The following CHD1 variants were observed in gnomAD, a reference collection of about 807,000 sequenced individuals.
CHD1 encodes ATP-dependent chromatin remodeler CHD1.
In CHD1, 36 loss-of-function variants were observed where a neutral mutation model predicts 224.2. That is an observed-to-expected ratio of 0.16 (90% confidence interval 0.12 to 0.21). The LOEUF (loss-of-function observed/expected upper bound fraction) is 0.21, where lower values mean the gene tolerates loss of function less well. CHD1 is among the 10% of genes least tolerant of loss of function. CHD1 has a pLI of 1.00. For missense variants in CHD1, 1,378 were observed against 1,994.8 expected (o/e 0.69, Z 5.89); for synonymous variants, 668 against 658.3 (o/e 1.01, Z -0.23).
chr5:98,890,528 T>C (rs995367187), intron 15 of CHD1, among the ~76,000 whole-genome samples: 4 of 152,206 alleles, frequency 2.6e-5, no homozygotes, highest in Non-Finnish European at 5.9e-5. Flanking sequence ...AAAAAGTACC[T>C]TGAAGAGTTT....
chr5:98,881,252 C>CTTTT (rs11295695), intron 21 of CHD1, 27 bp downstream of exon 21: 82 of 675,198 alleles, frequency 1.2e-4, no homozygotes, highest in South Asian at 5.4e-4. Flanking sequence ...TGAGGCAGGC[C>CTTTT]TTTTTTTTTT....
intron 30 of CHD1, 42 bp from the exon 31 acceptor site, chr5:98,868,677 A>G: frequency 5.3e-6 from 8 of 1,506,156 alleles, no homozygotes; most frequent in Non-Finnish European, 7.1e-6. Context: ...AAACCCCAAT[A>G]GCAACAAAGG....
intron 2 of CHD1, among the ~76,000 whole-genome samples, chr5:98,915,180 T>G (rs1752660480): frequency 6.6e-6 from 1 of 152,202 alleles, no homozygotes; most frequent in South Asian, 2.1e-4. Flanking sequence ...TATAAAAGGT[T>G]TCAGAAAACC....
intron 15 of CHD1, among the ~76,000 whole-genome samples, chr5:98,890,086 C>G (rs1750915241): frequency 6.6e-6 from 1 of 152,118 alleles, no homozygotes; most frequent in African/African-American, 2.4e-5. Flanking sequence ...TGAAAACTAC[C>G]CACTGCGTAC....
rs374214718 is a variant in CHD1, at chr5:98,856,498, C to T, written c.5015G>A (p.Ser1672Asn). ...ATCTAGTGGTGACCTAGGGCCACTG[C>T]TGGAAGCTCTGTGGTCCATTTGCCA... Reference protein sequence around the residue: ...SDWQMDHRASSSGPRSPLDQR... With the variant: ...SDWQMDHRASNSGPRSPLDQR... The change falls in exon 36 of 36, where the codon AGC becomes AAC. Residue 1672 changes from serine (S) to asparagine (N), a missense_variant. Coordinates refer to ENST00000614616, the MANE Select transcript of CHD1 (RefSeq NM_001270.4). The T allele has an allele frequency of 1.9e-6, 3 of 1,613,732 alleles. No individual in the cohort carries two copies. In the Admixed American group the frequency reaches 5.0e-5, roughly 27 times the overall value.
At chr5:98,897,425 A>G in intron 10 of CHD1, 105 bp from the exon 11 acceptor site, 1 of 783,738 alleles carries the variant, frequency 1.3e-6, no homozygotes, top group Non-Finnish European at 2.0e-6. Flanking sequence ...TTCATCTCTA[A>G]TCATCAAGCT....
intron 32 of CHD1, among the ~76,000 whole-genome samples, chr5:98,861,265 AT>A (rs1748447059): frequency 6.6e-6 from 1 of 152,148 alleles, no homozygotes; most frequent in African/African-American, 2.4e-5. Flanking sequence ...ATCTGTTCAC[AT>A]TTTCTACAAT....
intron 2 of CHD1, among the ~76,000 whole-genome samples, chr5:98,911,146 A>AAAAAAAAAATATATATAT (rs1491111295): frequency 7.7e-5 from 3 of 39,122 alleles, no homozygotes; most frequent in African/African-American, 3.6e-4. Flanking sequence ...AAAAAAAAAA[A>AAAAAAAAAATATATATAT]ATATATATAT....
chr5:98,865,688 G>A (rs1748809990), intron 31 of CHD1, among the ~76,000 whole-genome samples: 1 of 152,074 alleles, frequency 6.6e-6, no homozygotes, highest in Admixed American at 6.5e-5. Context: ...AGAGAGTGAC[G>A]ACCTAGAAAA....
chr5:98,865,758 A>C (rs983220290), intron 31 of CHD1, among the ~76,000 whole-genome samples: 1 of 152,208 alleles, frequency 6.6e-6, no homozygotes, highest in Admixed American at 6.5e-5. Flanking sequence ...TTCCTTACTT[A>C]GAGGTAAAAT....
intron 25 of CHD1, 112 bp downstream of exon 25, chr5:98,874,960 C>A: frequency 3.2e-6 from 2 of 627,820 alleles, no homozygotes; most frequent in African/African-American, 1.9e-5. Flanking sequence ...TTTGTAAATG[C>A]CGATTAAAAG....
Position 98,926,323 on chromosome 5 carries a change from T to G in CHD1, c.53+11A>C. The G allele has an allele frequency of 6.7e-7, 1 of 1,486,596 alleles. No homozygotes were observed. The highest frequency in any genetic ancestry group is 9.1e-7 in the Non-Finnish European group (1 of 1,099,548). The allele number at this position is 1,486,596 out of a possible 1,614,324, so 92.1% of individuals were successfully genotyped here. A position where few individuals can be genotyped will look rare whatever the true frequency, so the allele number is the denominator to read the frequency against. ...TCATAGTAAACAATTGATAACAAAG[T>G]GCTTACTTACCTTGATTCTCCACTA... On this transcript the variant is annotated intron_variant, in intron 2 of 35. Coordinates refer to ENST00000614616, the MANE Select transcript of CHD1 (RefSeq NM_001270.4).
chr5:98,923,784 G>A (rs994071965), intron 2 of CHD1, among the ~76,000 whole-genome samples: 9 of 152,190 alleles, frequency 5.9e-5, no homozygotes, highest in Middle Eastern at 3.4e-3. Flanking sequence ...AGATATGGCA[G>A]AAAAATATAT....
intron 16 of CHD1, 151 bp from the exon 17 acceptor site, chr5:98,888,391 C>G: frequency 3.2e-6 from 2 of 623,004 alleles, no homozygotes; most frequent in Non-Finnish European, 5.3e-6. Context: ...TTTCTAAGAC[C>G]TTTACCATTT....
At chr5:98,910,272 A>T (rs536940283) in intron 2 of CHD1, among the ~76,000 whole-genome samples, 2 of 152,154 alleles carry the variant, frequency 1.3e-5, no homozygotes, top group African/African-American at 2.4e-5. Context: ...TTTCAATTTT[A>T]ATAGTTTCAA....
chr5:98,870,415 G>A (rs1025822587), intron 29 of CHD1, among the ~76,000 whole-genome samples: 8 of 151,334 alleles, frequency 5.3e-5, no homozygotes, highest in South Asian at 2.1e-4. Flanking sequence ...AAAGTACTCC[G>A]CACGCTAAAC....
chr5:98,887,605 T>TTTG (rs1300495550), intron 17 of CHD1, among the ~76,000 whole-genome samples: 5 of 152,162 alleles, frequency 3.3e-5, no homozygotes, highest in African/African-American at 1.2e-4. Flanking sequence ...TTTGAATAGA[T>TTTG]GGAAGGGAAT....
At position 98,926,381 on chromosome 5, in the gene CHD1, A is replaced by T. The variant is rs747445027; in HGVS notation, c.6T>A (p.Asn2Lys). 3.3e-6 allele frequency: 5 copies of T among 1,494,424 alleles called. No homozygotes were observed. In the East Asian group the frequency reaches 1.2e-4, roughly 37 times the overall value. 92.6% of individuals were successfully genotyped at this position (1,494,424 alleles called of 1,614,324 possible). M[N>K]GHSDEESVRN... is the part of the protein sequence containing the mutation. ...TAACACTTTCTTCATCACTGTGTCC[A>T]TTCATTGTAAATTATTATCAAGAAG... The change falls in exon 2 of 36, where the codon AAT becomes AAA. Residue 2 changes from asparagine (N) to lysine (K), a missense_variant. Asn to Lys is a moderately conservative substitution (Grantham distance 94). Around this residue, in one of 16 missense-constraint regions of CHD1, gnomAD observed 306 missense variants for 298.1 expected, o/e 1.03. Transcript: ENST00000614616.
At chr5:98,880,279 T>C (rs537781808) in intron 22 of CHD1, among the ~76,000 whole-genome samples, 3 of 152,350 alleles carry the variant, frequency 2.0e-5, no homozygotes, top group East Asian at 3.9e-4. Context: ...GGCTCACGCC[T>C]GTGATTCCAG....
Sources: gnomAD v4.1 joint callset for allele counts (sites outside exome capture counted in the v4.1 genomes callset) on GRCh38, gnomAD v4.1.1 for gene constraint, gnomAD v4.1.1 regional missense constraint, MANE v1.5 for transcripts, NCBI Gene and HGNC (gene_info 2026-07-23, HGNC 2026-07-21) for gene names.